ANKRD24: variants seen among roughly 807,000 people sequenced by gnomAD.
ANKRD24 encodes ankyrin repeat domain-containing protein 24.
Under a neutral mutation model 127.8 loss-of-function variants are expected in ANKRD24, and 109 were observed. That is an observed-to-expected ratio of 0.85 (90% confidence interval 0.73 to 1.00). ANKRD24 has a LOEUF of 1.00. Among genes scored for constraint, ANKRD24 ranks in the 50% least tolerant of loss-of-function variants. ANKRD24 has a pLI of 0.00. For synonymous variants in ANKRD24, 743 were observed against 671.1 expected (o/e 1.11, Z -1.66); for missense variants, 1,648 against 1,570.2 (o/e 1.05, Z -0.84).
intron 14 of ANKRD24, 26 bp downstream of exon 14, chr19:4,212,539 G>A (rs368881045): frequency 3.9e-4 from 603 of 1,550,586 alleles, no homozygotes; most frequent in Non-Finnish European, 4.8e-4. Context: ...GGGAGGAGCC[G>A]GTCCTCCTGC....
Position 4,224,116 on chromosome 19 carries a change from C to A in ANKRD24, c.3298-11C>A. 6.2e-7 allele frequency: 1 copy of A among 1,611,442 alleles called. No individual in the cohort carries two copies. The highest frequency in any genetic ancestry group is 2.2e-5 in the East Asian group (1 of 44,860). On this transcript the variant is annotated splice_polypyrimidine_tract_variant and intron_variant, in intron 20 of 21. Coordinates refer to ENST00000318934, the MANE Select transcript of ANKRD24 (RefSeq NM_001393985.1). ...CCTGCTCTTCTGAGCGCCCCTTCCT[C>A]ATGCCCACAGGAAGCTGCCAGGGAC...
intron 18 of ANKRD24, among the ~76,000 whole-genome samples, chr19:4,218,978 C>T (rs768248366): frequency 2.0e-5 from 3 of 152,070 alleles, no homozygotes; most frequent in Non-Finnish European, 4.4e-5. Context: ...ATGTTGCCCA[C>T]GCTGGTCTCA....
chr19:4,199,834 C>T lies in ANKRD24; in HGVS notation c.124-41C>T. 1.3e-6 allele frequency: 2 copies of T among 1,541,000 alleles called. No homozygotes were observed. The highest frequency in any genetic ancestry group is 1.4e-5 in the African/African-American group (1 of 73,136). On this transcript the variant is annotated intron_variant, in intron 3 of 21. Coordinates refer to ENST00000318934, the MANE Select transcript of ANKRD24 (RefSeq NM_001393985.1). The surrounding 1 kb of genome is among the most constrained non-coding windows in gnomAD (Gnocchi z 5.2). ...TGTCGGGGGCGTGGGGAGGGGACAG[C>T]AGCCAACACTGCCCCACGCACTTCT...
intron 2 of ANKRD24, among the ~76,000 whole-genome samples, chr19:4,193,038 C>T (rs554766839): frequency 1.5e-4 from 23 of 152,080 alleles, no homozygotes; most frequent in Admixed American, 8.5e-4. Flanking sequence ...CAGTGACTCA[C>T]GCCTGTAATC....
chr19:4,215,307 G>A (rs1022432400), intron 15 of ANKRD24, among the ~76,000 whole-genome samples: 1 of 152,306 alleles, frequency 6.6e-6, no homozygotes, highest in Middle Eastern at 3.4e-3. Context: ...CCAACGTGGT[G>A]AAACCACGTG....
At position 4,224,498 on chromosome 19, in the gene ANKRD24, G is replaced by T; in HGVS notation, c.3434G>T (p.Gly1145Val). 1 of 1,608,436 alleles carries T rather than the reference G, an allele frequency of 6.2e-7. No homozygotes were observed. The highest frequency in any genetic ancestry group is 8.5e-7 in the Non-Finnish European group (1 of 1,177,664). Residue 1145 changes from glycine (G) to valine (V), a missense_variant, in exon 22 of 22, where the codon GGC (glycine) becomes GTC (valine). Coordinates refer to ENST00000318934, the MANE Select transcript of ANKRD24 (RefSeq NM_001393985.1). ...ILQMQRLQAQGR is the reference protein window; with the variant it reads ...ILQMQRLQAQVR ...CAGATGCAGAGACTCCAGGCTCAGG[G>T]CCGCTGAGAAAGGCCAGGCCCAGTG...
intron 2 of ANKRD24, among the ~76,000 whole-genome samples, chr19:4,196,359 T>TGTTTC (rs1345050678): frequency 1.3e-5 from 2 of 151,974 alleles, no homozygotes; most frequent in Non-Finnish European, 2.9e-5. Context: ...GTTGTTGTTT[T>TGTTTC]AGTTTGTTTG....
intron 1 of ANKRD24, among the ~76,000 whole-genome samples, chr19:4,182,965 T>TTTTGTGTGTGTGTGTG (rs1555709117): frequency 7.2e-6 from 1 of 138,582 alleles, no homozygotes; most frequent in Non-Finnish European, 1.6e-5. Flanking sequence ...AATATCTCAT[T>TTTTGTGTGTGTGTGTG]TGTGTGTGTG....
chr19:4,205,100 T>C (rs182959628), intron 7 of ANKRD24, among the ~76,000 whole-genome samples: 2 of 152,234 alleles, frequency 1.3e-5, no homozygotes, highest in African/African-American at 4.8e-5. Context: ...TAGCCAGGCA[T>C]GGAGGCATGT....
Position 4,222,095 on chromosome 19 carries a change from T to G in ANKRD24, c.3172-575T>G, listed in dbSNP as rs572530745. Among the ~76,000 whole-genome samples the G allele has an allele frequency of 4.6e-5, 7 of 152,276 alleles. No homozygotes were observed. The East Asian group carries it at 1.2e-3, about 25-fold the overall frequency. On this transcript the variant is annotated intron_variant, in intron 19 of 21. Coordinates refer to ENST00000318934, the MANE Select transcript of ANKRD24 (RefSeq NM_001393985.1). ...GTGCAGGATCACAGCAACTACTAAG[T>G]TAAGAACTATTGGCCGGGCGCGGTG...
At chr19:4,190,169 C>T (rs1212968306) in intron 2 of ANKRD24, among the ~76,000 whole-genome samples, 4 of 152,292 alleles carry the variant, frequency 2.6e-5, no homozygotes, top group African/African-American at 4.8e-5. Context: ...GGCGTGGTGG[C>T]TCACATCTGT....
intron 2 of ANKRD24, among the ~76,000 whole-genome samples, chr19:4,192,479 G>A (rs983168662): frequency 6.6e-6 from 1 of 150,960 alleles, no homozygotes; most frequent in Non-Finnish European, 1.5e-5. Context: ...CCAAAGTGCT[G>A]GGATTACAGG....
chr19:4,210,468 A>G (rs12710072), intron 13 of ANKRD24, 96 bp downstream of exon 13: 843,439 of 1,119,722 alleles, frequency 0.75, 318,587 homozygotes, highest in African/African-American at 0.77. Context: ...TCCCTCCTCC[A>G]TCTCTCTCCC....
intron 18 of ANKRD24, among the ~76,000 whole-genome samples, chr19:4,218,671 TC>T (rs1970271621): frequency 6.6e-6 from 1 of 151,680 alleles, no homozygotes; most frequent in African/African-American, 2.4e-5. Flanking sequence ...TCTCTTTCTT[TC>T]TCTTTATTTC....
chr19:4,211,675 A>G (rs1192443779), intron 13 of ANKRD24, among the ~76,000 whole-genome samples: 2 of 151,908 alleles, frequency 1.3e-5, no homozygotes, highest in African/African-American at 4.8e-5. Flanking sequence ...AACAAACAAA[A>G]ACAATCTTGT....
At chr19:4,215,949 C>T (rs2145381883) in intron 15 of ANKRD24, 29 bp from the exon 16 acceptor site, 1 of 1,555,284 alleles carries the variant, frequency 6.4e-7, no homozygotes. Context: ...GAGCAGAACC[C>T]CGAGCTGGAC....
chr19:4,196,537 G>A (rs1599409820), intron 2 of ANKRD24, among the ~76,000 whole-genome samples: 1 of 152,088 alleles, frequency 6.6e-6, no homozygotes, highest in African/African-American at 2.4e-5. Flanking sequence ...ACCACACCTG[G>A]CTAATTTTTG....
In ANKRD24 at chr19:4,219,723, G is replaced by A. The variant is rs1355865390; in HGVS notation, c.3136G>A (p.Glu1046Lys). 1 of 1,613,084 alleles carries A rather than the reference G, an allele frequency of 6.2e-7. No homozygotes were observed. Among genetic ancestry groups the A allele is most frequent in the Admixed American group, 1.7e-5 (1 of 59,920 alleles). ...TCGCCAGGCCCAGAGCCGGGCCCAG[G>A]AGGCTCTGGACAAGGCCAAGGAGAA... is the stretch of plus-strand genomic sequence containing the variant. ...RARQAQSRAQ[E>K]ALDKAKEKDK... The change falls in exon 19 of 22, where the codon GAG (glutamate) becomes AAG (lysine). Residue 1046 changes from glutamate (E) to lysine (K), a missense_variant. Transcript: ENST00000318934.
Position 4,212,711 on chromosome 19 carries a change from A to AT in ANKRD24, c.1197+14dup. On this transcript the variant is annotated intron_variant, in intron 15 of 21. Coordinates refer to ENST00000318934, the MANE Select transcript of ANKRD24 (RefSeq NM_001393985.1). ...GTCCCTGCTGGAGGTAGGAGCAGTGATGAGTCAGGGCTGGGCTGGGGCTGG... is the reference window on the plus strand; with the variant it reads ...GTCCCTGCTGGAGGTAGGAGCAGTGATTGAGTCAGGGCTGGGCTGGGGCTGG... The AT allele has an allele frequency of 1.3e-6, 2 of 1,543,062 alleles. No individual in the cohort carries two copies. The highest frequency in any genetic ancestry group is 1.8e-6 in the Non-Finnish European group (2 of 1,141,260).
Sources: allele counts gnomAD v4.1 joint callset (sites outside exome capture counted in the v4.1 genomes callset), GRCh38; gene constraint gnomAD v4.1.1; non-coding constraint Gnocchi (gnomAD v3.1); transcripts MANE v1.5; gene names NCBI Gene and HGNC (gene_info 2026-07-23, HGNC 2026-07-21).